UCHL5: variants seen among roughly 807,000 people sequenced by gnomAD.
UCHL5 encodes ubiquitin C-terminal hydrolase L5.
UCHL5 carries 34 observed loss-of-function variants against 53.8 expected under a neutral mutation model. The ratio of observed to expected loss-of-function variants is 0.63; its 90% CI spans 0.48 to 0.84. UCHL5 has a LOEUF of 0.84. UCHL5 is among the 40% of genes least tolerant of loss of function. The pLI, the probability that UCHL5 is intolerant of heterozygous loss-of-function variation, is 0.00. For missense variants in UCHL5, 290 were observed against 385.6 expected, an observed-to-expected ratio of 0.75 and a Z score of 2.08; for synonymous variants, 111 against 126.3, an observed-to-expected ratio of 0.88 and a Z score of 0.81.
chr1:193,018,952 C>A (rs1469106789), intron 10 of UCHL5: 1 of 605,186 alleles, frequency 1.7e-6, no homozygotes, highest in African/African-American at 1.9e-5. Context: ...ATTATAAAAT[C>A]TAATCTTTAT....
upstream of UCHL5, chr1:193,059,404 C>A (rs1255492346): frequency 6.8e-6 from 11 of 1,609,972 alleles, no homozygotes; most frequent in Non-Finnish European, 9.3e-6. This position sits in a 1 kb window ranked among gnomAD's most constrained non-coding sequence, Gnocchi z 4.9. Context: ...AGCCTCCGGG[C>A]GCCGTCACCT....
intron 10 of UCHL5, chr1:193,020,185 A>C: frequency 7.3e-7 from 1 of 1,369,352 alleles, no homozygotes; most frequent in Non-Finnish European, 9.5e-7. Flanking sequence ...CAATAAGGTA[A>C]TATACACAAA....
chr1:193,041,898 A>G (rs1220780688), intron 3 of UCHL5, among the ~76,000 whole-genome samples: 1 of 152,078 alleles, frequency 6.6e-6, no homozygotes, highest in East Asian at 1.9e-4. Context: ...CAAAGATGGG[A>G]GAATCATTTG....
At chr1:193,041,549 A>C (rs1413635844) in intron 3 of UCHL5, among the ~76,000 whole-genome samples, 3 of 152,252 alleles carry the variant, frequency 2.0e-5, no homozygotes, top group Non-Finnish European at 4.4e-5. Flanking sequence ...TTGAACAGCT[A>C]CTTCAGAAAA....
chr1:193,047,729 G>A (rs1168375171), intron 3 of UCHL5, among the ~76,000 whole-genome samples: 1 of 152,110 alleles, frequency 6.6e-6, no homozygotes, highest in Non-Finnish European at 1.5e-5. Flanking sequence ...TTTTCAAGGA[G>A]TTTGTGAGCT....
At chr1:193,054,519 C>A (rs989345870) in intron 1 of UCHL5, among the ~76,000 whole-genome samples, 19 of 152,152 alleles carry the variant, frequency 1.2e-4, no homozygotes, top group Non-Finnish European at 2.5e-4. Flanking sequence ...GGATTGACAG[C>A]ACTCAGGTAG....
At chr1:193,059,583 C>A (rs558260630), upstream of UCHL5, 25 of 1,479,166 alleles carry the variant, frequency 1.7e-5, no homozygotes, top group African/African-American at 3.2e-4. The surrounding 1 kb of genome is among the most constrained non-coding windows in gnomAD (Gnocchi z 4.9). Flanking sequence ...CCCTCTGGGG[C>A]GGAGGCGGGG....
chr1:193,051,672 A>T, intron 2 of UCHL5, 82 bp downstream of exon 2: 1 of 843,126 alleles, frequency 1.2e-6, no homozygotes, highest in East Asian at 3.0e-5. Flanking sequence ...ATCCAAGTAA[A>T]ATAAACAAAC....
intron 1 of UCHL5, among the ~76,000 whole-genome samples, chr1:193,057,085 C>G (rs1009727513): frequency 6.6e-6 from 1 of 152,162 alleles, no homozygotes; most frequent in South Asian, 2.1e-4. Context: ...AGGTTTTGAA[C>G]GTAAAATATA....
At chr1:193,018,817 T>C in intron 10 of UCHL5, 1 of 1,564,666 alleles carries the variant, frequency 6.4e-7, no homozygotes, top group Non-Finnish European at 8.7e-7. Flanking sequence ...TTATCCTATT[T>C]TCCCTGAAAA....
chr1:193,052,844 G>A lies in UCHL5; in HGVS notation c.77-1027C>T, dbSNP rs1669499828. The stretch of plus-strand genomic sequence containing the variant: ...TCTACATAAAGTGCAGCTAGTATGT[G>A]CCAGAAACCTAATTAAAACCCACAT... On this transcript the variant is annotated intron_variant, in intron 1 of 10. Transcript: ENST00000367454. 2.6e-5 allele frequency among the ~76,000 whole-genome samples: 4 copies of A among 152,100 alleles called. No individual in the cohort carries two copies. In the South Asian group the frequency reaches 8.3e-4, roughly 32 times the overall value.
In UCHL5 at chr1:193,029,161, G is replaced by A. The variant is rs1314697409; in HGVS notation, c.565+18C>T. On this transcript the variant is annotated intron_variant, in intron 6 of 10. Coordinates refer to ENST00000367454, the MANE Select transcript of UCHL5 (RefSeq NM_001199261.3). ...TCCCCTGTCAAAAGTGAAATATCAG[G>A]AACAGGAACTGCATTACCTAAATCA... The A allele has an allele frequency of 6.2e-7, 1 of 1,606,746 alleles. No homozygotes were observed. Among genetic ancestry groups the A allele is most frequent in the Non-Finnish European group, 8.5e-7 (1 of 1,176,958 alleles).
intron 7 of UCHL5, chr1:193,027,769 T>C (rs999957178): frequency 2.0e-6 from 1 of 494,334 alleles, no homozygotes; most frequent in African/African-American, 2.0e-5. Flanking sequence ...GATGACATAC[T>C]ACTACATGAA....
chr1:193,037,477 G>A (rs912462847), intron 3 of UCHL5, among the ~76,000 whole-genome samples: 5 of 151,946 alleles, frequency 3.3e-5, no homozygotes, highest in African/African-American at 1.2e-4. Context: ...CAAGTAATGA[G>A]ATCAGAGCCA....
intron 3 of UCHL5, among the ~76,000 whole-genome samples, chr1:193,036,251 G>A (rs777837312): frequency 7.5e-4 from 102 of 136,536 alleles, no homozygotes; most frequent in Non-Finnish European, 1.2e-3. Flanking sequence ...ATAACCCACC[G>A]CATCTATAAA....
intron 6 of UCHL5, among the ~76,000 whole-genome samples, chr1:193,028,371 C>T (rs1660119292): frequency 6.6e-6 from 1 of 151,912 alleles, no homozygotes; most frequent in Admixed American, 6.6e-5. Flanking sequence ...TGTAAATCTG[C>T]ATTGGATAAA....
At position 193,020,309 on chromosome 1, in the gene UCHL5, T is replaced by C. The variant is rs1244217675; in HGVS notation, c.942+788A>G. 1.3e-5 allele frequency: 20 copies of C among 1,544,958 alleles called. No homozygotes were observed. The East Asian group carries it at 2.5e-4, about 19-fold the overall frequency. On this transcript the variant is annotated intron_variant, in intron 10 of 10. Coordinates refer to ENST00000367454, the MANE Select transcript of UCHL5 (RefSeq NM_001199261.3). ...ATTAATAAGGAAAATATACCTACCATGTATTCTCGTCTTTAAGTTAATGGT... is the reference window on the plus strand; with the variant it reads ...ATTAATAAGGAAAATATACCTACCACGTATTCTCGTCTTTAAGTTAATGGT...
chr1:193,016,161 AT>A lies in UCHL5; in HGVS notation c.*189del. Reference sequence around the variant, plus strand: ...GCATTCTTAATATCACTTTCATTTAATATGCACTACATGCACATGATGCAGG... The same window carrying A: ...GCATTCTTAATATCACTTTCATTTAAATGCACTACATGCACATGATGCAGG... On this transcript the variant is annotated 3_prime_UTR_variant, in exon 11 of 11. Coordinates refer to ENST00000367454, the MANE Select transcript of UCHL5 (RefSeq NM_001199261.3). The A allele has an allele frequency of 1.8e-6, 1 of 564,696 alleles. No homozygotes were observed. Among genetic ancestry groups the A allele is most frequent in the Non-Finnish European group, 3.1e-6 (1 of 323,550 alleles). The allele number at this position is 564,696 out of a possible 1,614,324, so 35.0% of individuals were successfully genotyped here.
rs775204683 is a variant in UCHL5, at chr1:193,023,877, C to T, written c.699G>A (p.Gln233=). 21 of 1,613,176 alleles carry T rather than the reference C, an allele frequency of 1.3e-5. No individual in the cohort carries two copies. The Admixed American group carries it at 3.5e-4, about 27-fold the overall frequency. Residue 233 remains glutamine, a synonymous_variant, in exon 8 of 11, where the codon CAG becomes CAA. Transcript: ENST00000367454. ...GTTGTCTTTGTAACTCTGCTATCTT[C>T]TGCTCATATATCATTTTTCTGTCAG... is the stretch of plus-strand genomic sequence containing the variant. ...IVSDRKMIYE[Q]KIAELQRQLA... is the part of the protein sequence containing the mutation.
Sources: allele counts gnomAD v4.1 joint callset (sites outside exome capture counted in the v4.1 genomes callset), GRCh38; gene constraint gnomAD v4.1.1; non-coding constraint Gnocchi (gnomAD v3.1); transcripts MANE v1.5; gene names NCBI Gene and HGNC (gene_info 2026-07-23, HGNC 2026-07-21).